The following SSC4D variants were observed in gnomAD, a reference collection of about 807,000 sequenced individuals.
SSC4D encodes scavenger receptor cysteine rich family member with 4 domains.
A neutral mutation model predicts 63.4 loss-of-function variants in SSC4D; 57 were observed. The ratio of observed to expected loss-of-function variants is 0.90; its 90% CI spans 0.73 to 1.12. SSC4D has a LOEUF of 1.12. Among genes scored for constraint, SSC4D ranks in the 50% most tolerant of loss-of-function variants. The pLI, the probability that SSC4D is intolerant of heterozygous loss-of-function variation, is 0.00. For missense variants in SSC4D, 791 were observed against 806.4 expected (o/e 0.98, Z 0.23); for synonymous variants, 352 against 345.4 (o/e 1.02, Z -0.21).
intron 1 of SSC4D, among the ~76,000 whole-genome samples, chr7:76,407,419 C>T (rs946703314): frequency 5.5e-4 from 84 of 152,140 alleles, no homozygotes; most frequent in African/African-American, 1.8e-3. Context: ...GCACCCTCCA[C>T]CTTCCAGGTT....
chr7:76,403,615 C>T (rs1250142655), intron 2 of SSC4D, among the ~76,000 whole-genome samples: 2 of 151,406 alleles, frequency 1.3e-5, no homozygotes, highest in Admixed American at 6.6e-5. Context: ...GGATTACAGG[C>T]GACAGCCACC....
rs771876288 is a variant in SSC4D at position 76,390,264 on chromosome 7, C to T, written c.1523G>A (p.Gly508Asp). The T allele has an allele frequency of 6.8e-6, 11 of 1,613,848 alleles. No homozygotes were observed. Among genetic ancestry groups the T allele is most frequent in the South Asian group, 2.2e-5 (2 of 91,062 alleles). ...CDDAWDLRAA[G>D]VLCRQLGCGQ... is the part of the protein sequence containing the mutation. Reference sequence around the variant, plus strand: ...ACAGCCCAGCTGGCGGCACAGGACACCGGCTGCCCGCAGGTCCCAAGCATC... The same window carrying T: ...ACAGCCCAGCTGGCGGCACAGGACATCGGCTGCCCGCAGGTCCCAAGCATC... Residue 508 changes from glycine to aspartate, a missense_variant, in exon 11 of 11, where the codon GGT becomes GAT. Transcript: ENST00000275560.
intron 9 of SSC4D, 90 bp downstream of exon 9, chr7:76,393,315 A>C: frequency 8.0e-7 from 1 of 1,242,418 alleles, no homozygotes. Flanking sequence ...GCAGTGCCGC[A>C]AGAGAGGCCT....
intron 2 of SSC4D, among the ~76,000 whole-genome samples, chr7:76,402,405 C>A (rs2115791449): frequency 6.6e-6 from 1 of 152,144 alleles, no homozygotes; most frequent in East Asian, 1.9e-4. Context: ...TAGTCTTGAA[C>A]CCTTAACCTC....
Position 76,393,682 on chromosome 7 carries a change from C to G in SSC4D, c.1056G>C (p.Pro352=). 1 of 1,394,032 alleles carries G rather than the reference C, an allele frequency of 7.2e-7. No homozygotes were observed. Among genetic ancestry groups the G allele is most frequent in the South Asian group, 1.6e-5 (1 of 62,082 alleles). 86.4% of individuals were successfully genotyped at this position (1,394,032 alleles called of 1,614,324 possible). Residue 352 remains proline (P), a synonymous_variant, in exon 9 of 11, where the codon CCG becomes CCC. Coordinates refer to ENST00000275560, the MANE Select transcript of SSC4D (RefSeq NM_080744.2). ...GCAACACCTCCACGCGGCCGCGGCA[C>G]GGACCCGGGCCGCCCACCAGTCGCA... The part of the protein sequence containing the change: ...GRLRLVGGPG[P]CRGRVEVLHA...
At chr7:76,391,544 A>C (rs538112591) in intron 10 of SSC4D, among the ~76,000 whole-genome samples, 2 of 152,190 alleles carry the variant, frequency 1.3e-5, no homozygotes, top group East Asian at 1.9e-4. Context: ...TGGGTGCTTC[A>C]TGTCTGCTCT....
At chr7:76,393,218 C>T (rs1054411444) in intron 9 of SSC4D, among the ~76,000 whole-genome samples, 187 bp downstream of exon 9, 1 of 151,934 alleles carries the variant, frequency 6.6e-6, no homozygotes, top group Non-Finnish European at 1.5e-5. Context: ...GAAGGCTCTC[C>T]GTTCCGGCCT....
At position 76,397,852 on chromosome 7, in the gene SSC4D, T is replaced by C; in HGVS notation, c.554-20A>G. The C allele has an allele frequency of 6.6e-7, 1 of 1,510,280 alleles. No individual in the cohort carries two copies. Among genetic ancestry groups the C allele is most frequent in the Non-Finnish European group, 8.9e-7 (1 of 1,124,560 alleles). 93.6% of individuals were successfully genotyped at this position (1,510,280 alleles called of 1,614,324 possible). ...CCTCACCTGGGGATGGGGGCGGGGG[T>C]CAGGGCGCATCTCCCACTGGCCTCT... is the stretch of plus-strand genomic sequence containing the variant. On this transcript the variant is annotated intron_variant, in intron 5 of 10. Transcript: ENST00000275560.
rs1405921260 is a variant in SSC4D at position 76,393,822 on chromosome 7, C to G, written c.1021+8G>C. 6.3e-7 allele frequency: 1 copy of G among 1,586,884 alleles called. No homozygotes were observed. Among genetic ancestry groups the G allele is most frequent in the Non-Finnish European group, 8.6e-7 (1 of 1,165,010 alleles). On this transcript the variant is annotated splice_region_variant and intron_variant, in intron 8 of 10. Coordinates refer to ENST00000275560, the MANE Select transcript of SSC4D (RefSeq NM_080744.2). Reference sequence around the variant, plus strand: ...CCATCCCCCGCAGACCCAGGCACCGCCACTTACTTTTCTTCCCCGCGGCCC... The same window carrying G: ...CCATCCCCCGCAGACCCAGGCACCGGCACTTACTTTTCTTCCCCGCGGCCC...
chr7:76,404,530 G>A, intron 1 of SSC4D, 25 bp from the exon 2 acceptor site: 1 of 1,597,786 alleles, frequency 6.3e-7, no homozygotes, highest in Non-Finnish European at 8.5e-7. Flanking sequence ...CCCAAATGTT[G>A]CTGGGCCTCC....
At position 76,397,151 on chromosome 7, in the gene SSC4D, C is replaced by T. The variant is rs184238290; in HGVS notation, c.868+367G>A. Among the ~76,000 whole-genome samples the T allele has an allele frequency of 1.9e-3, 289 of 152,202 alleles. 3 individuals are homozygous for T. Among genetic ancestry groups the T allele is most frequent in the African/African-American group, 6.8e-3 (283 of 41,522 alleles). On this transcript the variant is annotated intron_variant, in intron 6 of 10. Coordinates refer to ENST00000275560, the MANE Select transcript of SSC4D (RefSeq NM_080744.2). ...TGGCTGGAGTGCAGTGGCGTCAGCT[C>T]GGCTCACTGCAACCTCCACCTCCTG...
In SSC4D at chr7:76,389,777, A is replaced by G. The variant is rs2115728964; in HGVS notation, c.*282T>C. 3 of 480,898 alleles carry G rather than the reference A, an allele frequency of 6.2e-6. No individual in the cohort carries two copies. Among genetic ancestry groups the G allele is most frequent in the East Asian group, 7.3e-5 (2 of 27,440 alleles). The allele number at this position is 480,898 out of a possible 1,614,324, so 29.8% of individuals were successfully genotyped here. On this transcript the variant is annotated 3_prime_UTR_variant, in exon 11 of 11. Coordinates refer to ENST00000275560, the MANE Select transcript of SSC4D (RefSeq NM_080744.2). ...AGCCCCACCAAACAGAAGAGTTAGG[A>G]ATCATCCTCTTCCCCTCGTTTTGGT...
rs559080629 is a variant in SSC4D at position 76,399,489 on chromosome 7, G to T, written c.476-692C>A. 2.6e-5 allele frequency among the ~76,000 whole-genome samples: 4 copies of T among 152,162 alleles called. No homozygotes were observed. In the South Asian group the frequency reaches 8.3e-4, roughly 32 times the overall value. ...AGCACTGCTCTCAGTTTCCGCTGCA[G>T]CTCTATGCCACGTGGAGCGCATGGC... On this transcript the variant is annotated intron_variant, in intron 4 of 10. Transcript: ENST00000275560.
chr7:76,398,682 C>T (rs369033722), intron 5 of SSC4D, 38 bp downstream of exon 5: 8 of 1,606,734 alleles, frequency 5.0e-6, no homozygotes, highest in East Asian at 2.2e-5. Flanking sequence ...AGACTCCTCT[C>T]CCAAAACCCA....
At chr7:76,397,432 C>T in intron 6 of SSC4D, 86 bp downstream of exon 6, 1 of 1,413,250 alleles carries the variant, frequency 7.1e-7, no homozygotes, top group Non-Finnish European at 9.3e-7. Flanking sequence ...CCCCATCCAC[C>T]TCCCCACCGA....
intron 4 of SSC4D, among the ~76,000 whole-genome samples, chr7:76,399,616 C>A (rs1336776301): frequency 6.6e-6 from 1 of 151,980 alleles, no homozygotes; most frequent in Admixed American, 6.6e-5. Context: ...CTCACTGCAG[C>A]CTTGACCCCC....
chr7:76,406,813 C>T (rs973757375), intron 1 of SSC4D, among the ~76,000 whole-genome samples: 5 of 151,632 alleles, frequency 3.3e-5, no homozygotes, highest in Non-Finnish European at 7.4e-5. Context: ...AAGGCCTTTC[C>T]ACCCAAAATG....
At chr7:76,392,675 C>G (rs1395651077) in intron 9 of SSC4D, among the ~76,000 whole-genome samples, 1 of 151,982 alleles carries the variant, frequency 6.6e-6, no homozygotes, top group Non-Finnish European at 1.5e-5. Flanking sequence ...CCTTGTGGTC[C>G]CAGCTACTCT....
intron 6 of SSC4D, among the ~76,000 whole-genome samples, chr7:76,396,960 C>A (rs1325227026): frequency 6.6e-6 from 1 of 152,126 alleles, no homozygotes; most frequent in Non-Finnish European, 1.5e-5. Context: ...AGTGTTACTC[C>A]GAGTGTTATC....
Sources: gnomAD v4.1 joint callset for allele counts (sites outside exome capture counted in the v4.1 genomes callset) on GRCh38, gnomAD v4.1.1 for gene constraint, MANE v1.5 for transcripts, NCBI Gene and HGNC (gene_info 2026-07-23, HGNC 2026-07-21) for gene names.